The following DDX19B variants were observed in gnomAD, a reference collection of about 807,000 sequenced individuals.
DDX19B encodes the protein DEAD-box helicase 19B.
A neutral mutation model predicts 58.1 loss-of-function variants in DDX19B; 27 were observed. That is an observed-to-expected ratio of 0.46 (90% CI 0.34 to 0.64). The LOEUF is 0.64. Ranked by LOEUF, DDX19B falls within the 30% of genes least tolerant of loss-of-function variation. DDX19B has a pLI of 0.01. For synonymous variants in DDX19B, 187 were observed against 214.4 expected (o/e 0.87, Z 1.12); for missense variants, 399 against 596.5 (o/e 0.67, Z 3.45).
chr16:70,324,288 A>C (rs919188670), intron 5 of DDX19B, among the ~76,000 whole-genome samples: 1 of 147,410 alleles, frequency 6.8e-6, no homozygotes. Context: ...ACTTGAGCCC[A>C]GGAGGTTGAG....
chr16:70,301,595 G>T (rs754649313), intron 1 of DDX19B, among the ~76,000 whole-genome samples: 1 of 151,924 alleles, frequency 6.6e-6, no homozygotes, highest in Non-Finnish European at 1.5e-5. Context: ...TCAGTTATGA[G>T]AACTTTTCCT....
chr16:70,293,898 A>C (rs1961126119), upstream of DDX19B, among the ~76,000 whole-genome samples: 1 of 151,462 alleles, frequency 6.6e-6, no homozygotes, highest in African/African-American at 2.4e-5. Context: ...GGCGTGAGCC[A>C]CCGCGCCCGG....
At position 70,316,061 on chromosome 16, in the gene DDX19B, A is replaced by C; in HGVS notation, c.253A>C (p.Asn85His). The change falls in exon 4 of 12, where the codon AAC (asparagine) becomes CAC (histidine). Residue 85 changes from asparagine to histidine, a missense_variant. Physicochemically the swap from Asn to His is moderately conservative, Grantham distance 68. Around this residue, in one of 4 missense-constraint regions of DDX19B, gnomAD observed 132 missense variants for 159.4 expected, o/e 0.83. Coordinates refer to ENST00000288071, the MANE Select transcript of DDX19B (RefSeq NM_007242.7). The stretch of plus-strand genomic sequence containing the variant: ...AGTGGAAGTCCTGCAGCGGGATCCA[A>C]ACTCCCCTCTGTACTCGGTGAAGTC... ...NQVEVLQRDP[N>H]SPLYSVKSFE... The C allele has an allele frequency of 6.2e-7, 1 of 1,614,068 alleles. No individual in the cohort carries two copies.
intron 4 of DDX19B, among the ~76,000 whole-genome samples, chr16:70,316,365 ACGCC>A (rs1291480191): frequency 4.6e-5 from 7 of 152,134 alleles, no homozygotes; most frequent in Admixed American, 2.6e-4. Context: ...GCACACCACC[ACGCC>A]TGGCTACTTT....
At chr16:70,290,042 C>A (rs1031056018), upstream of DDX19B, 4 of 271,548 alleles carry the variant, frequency 1.5e-5, no homozygotes, top group African/African-American at 8.9e-5. Context: ...CCTCGATTTG[C>A]CTTTGGAAAA....
intron 1 of DDX19B, among the ~76,000 whole-genome samples, chr16:70,303,242 G>C (rs1362814923): frequency 2.0e-5 from 3 of 151,956 alleles, no homozygotes; most frequent in African/African-American, 7.3e-5. Flanking sequence ...TCCACCTCCT[G>C]GGCTCAAGGG....
chr16:70,290,531 A>T (rs183740083), upstream of DDX19B, among the ~76,000 whole-genome samples: 719 of 152,152 alleles, frequency 4.7e-3, 2 homozygotes, highest in Middle Eastern at 0.024. Context: ...GTCTCAAAAA[A>T]AAAAATAAAA....
Position 70,331,745 on chromosome 16 carries a change from G to A in DDX19B, c.1047G>A (p.Leu349=). The stretch of plus-strand genomic sequence containing the variant: ...AGACTCGCAAAACAGCTAGTTGGCT[G>A]GCAGCAGAGCTCTCAAAAGAAGGCC... The part of the protein sequence containing the change: ...FCHTRKTASW[L]AAELSKEGHQ... The change falls in exon 10 of 12, where the codon CTG becomes CTA. Residue 349 remains leucine (L), a synonymous_variant. Coordinates refer to ENST00000288071, the MANE Select transcript of DDX19B (RefSeq NM_007242.7). 6.2e-7 allele frequency: 1 copy of A among 1,614,006 alleles called. No individual in the cohort carries two copies. The highest frequency in any genetic ancestry group is 1.1e-5 in the South Asian group (1 of 91,076).
At chr16:70,328,080 G>C (rs561093067) in intron 7 of DDX19B, among the ~76,000 whole-genome samples, 6 of 151,794 alleles carry the variant, frequency 4.0e-5, no homozygotes, top group African/African-American at 1.5e-4. Context: ...CTTGAACCCG[G>C]GAGGGGGAGG....
intron 2 of DDX19B, among the ~76,000 whole-genome samples, chr16:70,314,341 G>A (rs180989944): frequency 7.9e-5 from 12 of 152,086 alleles, no homozygotes; most frequent in African/African-American, 2.4e-4. Context: ...TTTGAGGTAC[G>A]GAGAGGAGAC....
chr16:70,300,450 C>T (rs1198458840), intron 1 of DDX19B, among the ~76,000 whole-genome samples: 2 of 152,112 alleles, frequency 1.3e-5, no homozygotes, highest in Admixed American at 6.6e-5. Flanking sequence ...GCAAGTGATC[C>T]ACCTGCCTCA....
intron 9 of DDX19B, among the ~76,000 whole-genome samples, chr16:70,330,423 C>A (rs1963424318): frequency 6.6e-6 from 1 of 152,032 alleles, no homozygotes; most frequent in South Asian, 2.1e-4. Context: ...CCCATCTCTA[C>A]TAAAAATACA....
chr16:70,314,968 T>C lies in DDX19B; in HGVS notation c.160+13T>C, dbSNP rs775148977. The C allele has an allele frequency of 1.9e-6, 3 of 1,606,322 alleles. No individual in the cohort carries two copies. Among genetic ancestry groups the C allele is most frequent in the Non-Finnish European group, 2.6e-6 (3 of 1,174,920 alleles). On this transcript the variant is annotated intron_variant, in intron 3 of 11. Coordinates refer to ENST00000288071, the MANE Select transcript of DDX19B (RefSeq NM_007242.7). ...GAAGAAGAGAAAGGTAACACAGCCG[T>C]GGAGCTTTATATAATAACAAGCTTC...
intron 10 of DDX19B, 27 bp from the exon 11 acceptor site, chr16:70,332,941 C>T (rs761286745): frequency 4.3e-6 from 7 of 1,614,104 alleles, no homozygotes; most frequent in Non-Finnish European, 5.9e-6. Flanking sequence ...CCTTAGTCCT[C>T]TCAGCCTCCA....
At chr16:70,295,181 C>A, upstream of DDX19B, 1 of 804,632 alleles carries the variant, frequency 1.2e-6, no homozygotes, top group Non-Finnish European at 1.7e-6. Context: ...ACTCTTCTTT[C>A]CACGCCCGCT....
chr16:70,331,959 A>T (rs1963506008), intron 10 of DDX19B, 75 bp downstream of exon 10: 1 of 1,576,220 alleles, frequency 6.3e-7, no homozygotes, highest in Non-Finnish European at 8.6e-7. Flanking sequence ...AAATCCTTGT[A>T]CACAGGGAAG....
intron 5 of DDX19B, among the ~76,000 whole-genome samples, chr16:70,324,130 C>A (rs1020494229): frequency 6.6e-5 from 10 of 151,974 alleles, no homozygotes; most frequent in Admixed American, 2.0e-4. Context: ...AGGGTTTCAA[C>A]TTGTACTCTG....
upstream of DDX19B, among the ~76,000 whole-genome samples, chr16:70,291,679 C>T (rs932249751): frequency 6.6e-6 from 1 of 152,002 alleles, no homozygotes; most frequent in Non-Finnish European, 1.5e-5. Flanking sequence ...GGCGTGGTGG[C>T]GGGCGCCTGT....
intron 7 of DDX19B, among the ~76,000 whole-genome samples, chr16:70,326,211 C>T (rs1445128737): frequency 5.3e-5 from 8 of 152,206 alleles, no homozygotes; most frequent in East Asian, 1.9e-4. Context: ...CGGTGGCTCA[C>T]GCCTGTAATC....
Sources: gnomAD v4.1 joint callset for allele counts (sites outside exome capture counted in the v4.1 genomes callset) on GRCh38, gnomAD v4.1.1 for gene constraint, gnomAD v4.1.1 regional missense constraint, MANE v1.5 for transcripts, NCBI Gene and HGNC (gene_info 2026-07-23, HGNC 2026-07-21) for gene names.